SLC35F4: variants seen among roughly 807,000 people sequenced by gnomAD.
SLC35F4 encodes solute carrier family 35 member F4.
A neutral mutation model predicts 44.2 loss-of-function variants in SLC35F4; 24 were observed. That is an observed-to-expected ratio of 0.54 (90% CI 0.39 to 0.76). SLC35F4 has a LOEUF of 0.76. SLC35F4 is among the 30% of genes least tolerant of loss of function. The pLI is 0.00. For missense variants in SLC35F4, 562 were observed against 586.1 expected, an observed-to-expected ratio of 0.96 and a Z score of 0.42; for synonymous variants, 238 against 223.6, an observed-to-expected ratio of 1.06 and a Z score of -0.57.
At chr14:57,698,436 GT>G (rs2075444148) in intron 1 of SLC35F4, among the ~76,000 whole-genome samples, 1 of 152,044 alleles carries the variant, frequency 6.6e-6, no homozygotes, top group African/African-American at 2.4e-5. Context: ...TTTTGGTTTT[GT>G]TTTTTAATTC....
intron 1 of SLC35F4, among the ~76,000 whole-genome samples, chr14:57,963,302 C>T (rs934033907): frequency 1.3e-5 from 2 of 152,196 alleles, no homozygotes; most frequent in African/African-American, 4.8e-5. Flanking sequence ...CATGATGTGG[C>T]TTGCTGTCCT....
chr14:57,698,056 G>A (rs1032240920), intron 1 of SLC35F4, among the ~76,000 whole-genome samples: 28 of 152,116 alleles, frequency 1.8e-4, no homozygotes, highest in African/African-American at 6.3e-4. Context: ...ATGTAAAATG[G>A]GGATAATAAT....
intron 1 of SLC35F4, among the ~76,000 whole-genome samples, chr14:57,953,768 T>C (rs1890185780): frequency 6.6e-6 from 1 of 152,110 alleles, no homozygotes; most frequent in African/African-American, 2.4e-5. Context: ...AGCACCCAGA[T>C]TCATAAAGCA....
intron 1 of SLC35F4, among the ~76,000 whole-genome samples, chr14:57,615,906 C>T (rs934583036): frequency 1.3e-5 from 2 of 152,158 alleles, no homozygotes; most frequent in Non-Finnish European, 2.9e-5. Context: ...TCCTAGGGCT[C>T]AGTAGCTGGT....
chr14:57,854,182 G>A (rs946021883), intron 1 of SLC35F4, among the ~76,000 whole-genome samples: 1 of 152,086 alleles, frequency 6.6e-6, no homozygotes, highest in Non-Finnish European at 1.5e-5. Flanking sequence ...AATAAATCAA[G>A]AAATGAAGTC....
chr14:57,791,437 C>A (rs1010342557), intron 1 of SLC35F4, among the ~76,000 whole-genome samples: 12 of 152,220 alleles, frequency 7.9e-5, no homozygotes, highest in African/African-American at 2.7e-4. Context: ...GAAATACCAT[C>A]TCATACCAGT....
chr14:57,756,629 C>T (rs2076999646), intron 1 of SLC35F4, among the ~76,000 whole-genome samples: 3 of 151,608 alleles, frequency 2.0e-5, no homozygotes, highest in Admixed American at 2.0e-4. Flanking sequence ...TCTTCTATAT[C>T]CTTACTGACT....
At chr14:57,769,790 T>G (rs1037835106) in intron 1 of SLC35F4, among the ~76,000 whole-genome samples, 4 of 152,236 alleles carry the variant, frequency 2.6e-5, no homozygotes, top group Admixed American at 1.3e-4. Context: ...AGACATGTAC[T>G]TCAGCTTTTG....
At chr14:57,768,981 A>T (rs751564890) in intron 1 of SLC35F4, among the ~76,000 whole-genome samples, 3 of 152,006 alleles carry the variant, frequency 2.0e-5, no homozygotes, top group Non-Finnish European at 2.9e-5. Flanking sequence ...TCAAACTCCC[A>T]ACCTCAACTG....
In SLC35F4 at chr14:57,800,948, G is replaced by A. The variant is rs141607714; in HGVS notation, c.103+64775C>T. 1.1e-3 allele frequency among the ~76,000 whole-genome samples: 160 copies of A among 152,288 alleles called. 4 individuals are homozygous for A. Among genetic ancestry groups the A allele is most frequent in the Admixed American group, 9.3e-3 (142 of 15,304 alleles). ...GAACCAAGTTAGAAAACATACTTCA[G>A]GATATCATCCAGAAGAACTTCCCCA... On this transcript the variant is annotated intron_variant, in intron 1 of 7. Transcript: ENST00000556826.
chr14:57,575,983 G>T (rs1390694361), intron 4 of SLC35F4, among the ~76,000 whole-genome samples: 1 of 143,200 alleles, frequency 7.0e-6, no homozygotes, highest in Admixed American at 7.3e-5. Flanking sequence ...TTGTTTTCTT[G>T]TATCTTTTTT....
At chr14:57,829,497 AC>A (rs1595159587) in intron 1 of SLC35F4, among the ~76,000 whole-genome samples, 1 of 152,210 alleles carries the variant, frequency 6.6e-6, no homozygotes, top group East Asian at 1.9e-4. Flanking sequence ...AAAGAGTTGT[AC>A]AAAGCAGGTC....
At chr14:57,666,835 G>GTTTTTTTTT (rs1306199772) in intron 1 of SLC35F4, among the ~76,000 whole-genome samples, 1 of 152,034 alleles carries the variant, frequency 6.6e-6, no homozygotes, top group East Asian at 1.9e-4. Flanking sequence ...GTAGGCATGT[G>GTTTTTTTTT]AAAATTAGCT....
chr14:57,576,830 AAAG>A (rs2068820840), intron 4 of SLC35F4, among the ~76,000 whole-genome samples: 1 of 152,186 alleles, frequency 6.6e-6, no homozygotes, highest in African/African-American at 2.4e-5. Flanking sequence ...TCAAAGTTGT[AAAG>A]AAATCCCACG....
chr14:57,721,376 T>C (rs1353552602), intron 1 of SLC35F4, among the ~76,000 whole-genome samples: 2 of 152,130 alleles, frequency 1.3e-5, no homozygotes, highest in East Asian at 3.9e-4. Flanking sequence ...GCAAGGAACA[T>C]AATGAAGTTG....
intron 1 of SLC35F4, among the ~76,000 whole-genome samples, chr14:57,618,230 G>A (rs1044407441): frequency 5.3e-5 from 8 of 152,182 alleles, no homozygotes; most frequent in Admixed American, 6.5e-5. Flanking sequence ...TCCAGTCATC[G>A]TGGCAGCTTA....
intron 1 of SLC35F4, among the ~76,000 whole-genome samples, chr14:57,812,064 G>A (rs1349552784): frequency 1.3e-5 from 2 of 152,164 alleles, no homozygotes; most frequent in Non-Finnish European, 2.9e-5. Context: ...GAAGAAAAAT[G>A]TCTTGCTATT....
At chr14:57,961,049 C>A (rs1211422606) in intron 1 of SLC35F4, among the ~76,000 whole-genome samples, 1 of 152,140 alleles carries the variant, frequency 6.6e-6, no homozygotes. Flanking sequence ...CCAACTCAGG[C>A]TCTGGCTCGT....
At chr14:57,946,469 C>CTTTTTTTTTTTT (rs71104596) in intron 1 of SLC35F4, among the ~76,000 whole-genome samples, 4 of 78,214 alleles carry the variant, frequency 5.1e-5, no homozygotes, top group Admixed American at 1.6e-4. Flanking sequence ...GTTTTCTTTT[C>CTTTTTTTTTTTT]TTTTTTTTTT....
Sources: gnomAD v4.1 joint callset for allele counts (sites outside exome capture counted in the v4.1 genomes callset) on GRCh38, gnomAD v4.1.1 for gene constraint, MANE v1.5 for transcripts, NCBI Gene and HGNC (gene_info 2026-07-23, HGNC 2026-07-21) for gene names.